The following FERMT2 variants were observed in gnomAD, a reference collection of about 807,000 sequenced individuals.
FERMT2 encodes FERM domain containing kindlin 2.
FERMT2 carries 15 observed loss-of-function variants against 82.7 expected under a neutral mutation model. The ratio of observed to expected loss-of-function variants is 0.18; its 90% CI spans 0.12 to 0.28. The LOEUF (loss-of-function observed/expected upper bound fraction) is 0.28. Among genes scored for constraint, FERMT2 ranks in the 10% least tolerant of loss-of-function variants. FERMT2 has a pLI of 1.00. For missense variants in FERMT2, 645 were observed against 809.4 expected (o/e 0.80, Z 2.46); for synonymous variants, 274 against 271.5 (o/e 1.01, Z -0.09).
intron 2 of FERMT2, among the ~76,000 whole-genome samples, chr14:52,927,240 A>G (rs996374279): frequency 6.6e-6 from 1 of 152,138 alleles, no homozygotes; most frequent in East Asian, 1.9e-4. Context: ...TTTTGGTATC[A>G]CAGTGCTCTC....
At chr14:52,925,216 A>G (rs1889186105) in intron 2 of FERMT2, among the ~76,000 whole-genome samples, 1 of 152,186 alleles carries the variant, frequency 6.6e-6, no homozygotes, top group Non-Finnish European at 1.5e-5. Flanking sequence ...ACCAACTGAG[A>G]AGCATTTGCC....
At position 52,875,396 on chromosome 14, in the gene FERMT2, C is replaced by T; in HGVS notation, c.964-39G>A. On this transcript the variant is annotated intron_variant, in intron 7 of 14. Transcript: ENST00000341590. ...TATTTTATTAAAATAATTGCTATAA[C>T]TGTAAAACTCTAAAATGAAATTACT... 5 of 1,426,918 alleles carry T rather than the reference C, an allele frequency of 3.5e-6. No individual in the cohort carries two copies. The South Asian group carries it at 3.7e-5, about 11-fold the overall frequency. 88.4% of individuals were successfully genotyped at this position (1,426,918 alleles called of 1,614,324 possible).
chr14:52,906,864 C>A (rs1888038724), intron 3 of FERMT2, among the ~76,000 whole-genome samples: 1 of 133,858 alleles, frequency 7.5e-6, no homozygotes, highest in South Asian at 2.2e-4. Context: ...TCTTCCAAGG[C>A]AGACAGAAAA....
At chr14:52,939,785 T>C (rs1455111315) in intron 2 of FERMT2, among the ~76,000 whole-genome samples, 1 of 152,140 alleles carries the variant, frequency 6.6e-6, no homozygotes, top group African/African-American at 2.4e-5. Flanking sequence ...ACTTTTAACA[T>C]TGATACAGGA....
At chr14:52,949,338 C>A (rs1316081433) in intron 2 of FERMT2, among the ~76,000 whole-genome samples, 1 of 148,950 alleles carries the variant, frequency 6.7e-6, no homozygotes, top group African/African-American at 2.5e-5. Flanking sequence ...ATAAGCACTT[C>A]TCTACTTTCC....
chr14:52,931,606 A>C (rs922738567), intron 2 of FERMT2, among the ~76,000 whole-genome samples: 1 of 152,248 alleles, frequency 6.6e-6, no homozygotes, highest in Non-Finnish European at 1.5e-5. Context: ...GGACAGCTGG[A>C]AGGTGAAGAG....
chr14:52,946,344 G>C (rs1890354665), intron 2 of FERMT2, among the ~76,000 whole-genome samples: 1 of 150,742 alleles, frequency 6.6e-6, no homozygotes, highest in Non-Finnish European at 1.5e-5. Flanking sequence ...ATACACGTTT[G>C]AAATTTGTCT....
rs759579114 is a variant in FERMT2 at position 52,881,231 on chromosome 14, T to A, written c.752+13A>T. The stretch of plus-strand genomic sequence containing the variant: ...ATGAAGAAATTCAATTTTATCTATA[T>A]CTTAAAACTTACCCTTGGTTGATTT... On this transcript the variant is annotated intron_variant, in intron 5 of 14. Transcript: ENST00000341590. 3.7e-6 allele frequency: 6 copies of A among 1,609,632 alleles called. No individual in the cohort carries two copies. Among genetic ancestry groups the A allele is most frequent in the Non-Finnish European group, 3.4e-6 (4 of 1,175,992 alleles).
intron 10 of FERMT2, among the ~76,000 whole-genome samples, chr14:52,867,647 G>A (rs1437491664): frequency 6.6e-6 from 1 of 152,088 alleles, no homozygotes; most frequent in South Asian, 2.1e-4. Context: ...TGTAGCATGT[G>A]CATCTCTCCC....
At chr14:52,941,873 G>C (rs1890103765) in intron 2 of FERMT2, among the ~76,000 whole-genome samples, 1 of 152,086 alleles carries the variant, frequency 6.6e-6, no homozygotes, top group Non-Finnish European at 1.5e-5. Flanking sequence ...CAAATACCTG[G>C]AATACCATCA....
In FERMT2 at chr14:52,922,135, G is replaced by A. The variant is rs1594997751; in HGVS notation, c.158-2779C>T. On this transcript the variant is annotated intron_variant, in intron 2 of 14. Transcript: ENST00000341590. ...AGGGGATCAGTGAAAGTGAGATGGG[G>A]AGAAAAGCCAACTGGAGGTTCCTCA... Among the ~76,000 whole-genome samples, 5 of 152,288 alleles carry A rather than the reference G, an allele frequency of 3.3e-5. No homozygotes were observed. In the South Asian group the frequency reaches 1.0e-3, roughly 32 times the overall value.
At chr14:52,935,744 T>G (rs1393425822) in intron 2 of FERMT2, among the ~76,000 whole-genome samples, 1 of 152,168 alleles carries the variant, frequency 6.6e-6, no homozygotes, top group Non-Finnish European at 1.5e-5. Context: ...AGTGACAAAT[T>G]GCAATTTCTT....
At chr14:52,860,540 G>T in intron 12 of FERMT2, 75 bp from the exon 13 acceptor site, 1 of 1,387,210 alleles carries the variant, frequency 7.2e-7, no homozygotes, top group Non-Finnish European at 9.8e-7. Flanking sequence ...AAGATCAAAA[G>T]ATTGAATTAC....
At chr14:52,892,457 T>TTTTTTGTG (rs780180672) in intron 4 of FERMT2, among the ~76,000 whole-genome samples, 1 of 9,534 alleles carries the variant, frequency 1.0e-4, no homozygotes, top group Non-Finnish European at 1.3e-3. Context: ...CTGTTTTTTG[T>TTTTTTGTG]TTTTTTTTTT....
At chr14:52,915,930 A>T (rs1888589767) in intron 3 of FERMT2, among the ~76,000 whole-genome samples, 1 of 152,248 alleles carries the variant, frequency 6.6e-6, no homozygotes, top group Admixed American at 6.5e-5. Flanking sequence ...GTCCACTTGA[A>T]AGCCTGCATA....
intron 3 of FERMT2, among the ~76,000 whole-genome samples, chr14:52,900,879 T>C (rs141542435): frequency 5.0e-3 from 765 of 152,070 alleles, no homozygotes; most frequent in Non-Finnish European, 8.7e-3. Flanking sequence ...ATAGTGATGT[T>C]TGAAAAAGCT....
chr14:52,929,294 C>G (rs1288561944), intron 2 of FERMT2, among the ~76,000 whole-genome samples: 2 of 152,182 alleles, frequency 1.3e-5, no homozygotes, highest in Non-Finnish European at 2.9e-5. Flanking sequence ...TCCACTGGCA[C>G]CACCCTATTT....
intron 2 of FERMT2, among the ~76,000 whole-genome samples, chr14:52,937,803 T>C (rs1454618682): frequency 1.3e-5 from 2 of 152,212 alleles, no homozygotes; most frequent in Non-Finnish European, 2.9e-5. Flanking sequence ...CACATCAATG[T>C]CCCATCTCAC....
At chr14:52,867,671 T>C (rs1566718599) in intron 10 of FERMT2, among the ~76,000 whole-genome samples, 1 of 152,160 alleles carries the variant, frequency 6.6e-6, no homozygotes, top group Non-Finnish European at 1.5e-5. Flanking sequence ...ATCCAATGTC[T>C]ACAGGCTAGC....
Sources: allele counts gnomAD v4.1 joint callset (sites outside exome capture counted in the v4.1 genomes callset), GRCh38; gene constraint gnomAD v4.1.1; transcripts MANE v1.5; gene names NCBI Gene and HGNC (gene_info 2026-07-23, HGNC 2026-07-21).